Variants in LAD1 observed in about 807,000 individuals in gnomAD.
LAD1 encodes the protein ladinin 1.
Under a neutral mutation model 54.2 loss-of-function variants are expected in LAD1, and 53 were observed. That is an observed-to-expected ratio of 0.98 (90% CI 0.78 to 1.23). The LOEUF is 1.23. Among genes scored for constraint, LAD1 ranks in the 50% most tolerant of loss-of-function variants. LAD1 has a pLI of 0.00. For synonymous variants in LAD1, 231 were observed against 257.7 expected (o/e 0.90, Z 0.99); for missense variants, 637 against 653.3 (o/e 0.98, Z 0.27).
chr1:201,397,298 G>A (rs1010149583), intron 1 of LAD1: 2 of 152,502 alleles, frequency 1.3e-5, no homozygotes, highest in Non-Finnish European at 2.9e-5. Context: ...TCTGTTCCAG[G>A]TGCCTCATCA....
chr1:201,390,538 A>C (rs1662179843), intron 1 of LAD1, among the ~76,000 whole-genome samples: 1 of 152,158 alleles, frequency 6.6e-6, no homozygotes, highest in African/African-American at 2.4e-5. Flanking sequence ...CCATCTCAAA[A>C]AAAACTTAAC....
intron 1 of LAD1, among the ~76,000 whole-genome samples, chr1:201,393,932 T>G (rs1662241143): frequency 6.9e-6 from 1 of 144,992 alleles, no homozygotes; most frequent in Non-Finnish European, 1.5e-5. Context: ...TGTGACTGGC[T>G]GGGCATGGTG....
chr1:201,396,315 C>T (rs898224111), intron 1 of LAD1, among the ~76,000 whole-genome samples: 3 of 152,182 alleles, frequency 2.0e-5, no homozygotes, highest in African/African-American at 7.2e-5. Context: ...CCACTCCAGA[C>T]TTCAACTCCA....
intron 2 of LAD1, among the ~76,000 whole-genome samples, chr1:201,388,415 T>C (rs1206315784): frequency 6.8e-6 from 1 of 146,330 alleles, no homozygotes; most frequent in Non-Finnish European, 1.5e-5. Context: ...CTGGGCACGG[T>C]GGCTCATGCC....
At chr1:201,395,883 A>G (rs1232515925) in intron 1 of LAD1, among the ~76,000 whole-genome samples, 2 of 152,218 alleles carry the variant, frequency 1.3e-5, no homozygotes, top group Non-Finnish European at 2.9e-5. Flanking sequence ...ACGCTTAACC[A>G]TCATACCAAG....
intron 1 of LAD1, among the ~76,000 whole-genome samples, chr1:201,399,002 C>T (rs528377585): frequency 6.6e-6 from 1 of 152,354 alleles, no homozygotes; most frequent in Admixed American, 6.5e-5. Context: ...ACAGGGGGGG[C>T]CATATCCCAG....
intron 1 of LAD1, among the ~76,000 whole-genome samples, chr1:201,398,845 G>A (rs1416192040): frequency 1.3e-5 from 2 of 152,180 alleles, no homozygotes; most frequent in Admixed American, 6.5e-5. Context: ...CCCCTCCCAA[G>A]AGGGGCTGTG....
At chr1:201,392,353 T>G (rs1278520314) in intron 1 of LAD1, among the ~76,000 whole-genome samples, 1 of 152,124 alleles carries the variant, frequency 6.6e-6, no homozygotes, top group Non-Finnish European at 1.5e-5. Flanking sequence ...AGGGCACACA[T>G]CCAGCATGGG....
At chr1:201,384,909 A>G in intron 4 of LAD1, 74 bp from the exon 5 acceptor site, 1 of 1,427,648 alleles carries the variant, frequency 7.0e-7, no homozygotes, top group Non-Finnish European at 9.9e-7. Flanking sequence ...TGAGGAGCCC[A>G]GCTCTCAAGA....
chr1:201,394,744 C>T (rs745734643), intron 1 of LAD1, among the ~76,000 whole-genome samples: 52 of 152,320 alleles, frequency 3.4e-4, no homozygotes, highest in Non-Finnish European at 6.0e-4. Context: ...TGGATGCACC[C>T]CGTCCCTTGT....
At chr1:201,391,083 GA>G (rs1200973789) in intron 1 of LAD1, 1 of 456,228 alleles carries the variant, frequency 2.2e-6, no homozygotes, top group Admixed American at 2.4e-5. Context: ...TTTACCCATG[GA>G]AAAAACTCCA....
chr1:201,382,781 C>T, intron 7 of LAD1, 42 bp from the exon 8 acceptor site: 1 of 1,468,090 alleles, frequency 6.8e-7, no homozygotes, highest in Non-Finnish European at 9.4e-7. Flanking sequence ...GGGCCCTTGG[C>T]AGCAGCGAGG....
At chr1:201,382,916 G>T in intron 7 of LAD1, 158 bp downstream of exon 7, 1 of 1,055,882 alleles carries the variant, frequency 9.5e-7, no homozygotes, top group Non-Finnish European at 1.4e-6. Flanking sequence ...CAGCTAAGGA[G>T]ATGGGCTCAG....
At position 201,382,645 on chromosome 1, in the gene LAD1, G is replaced by A; in HGVS notation, c.1473+8C>T. 6.3e-7 allele frequency: 1 copy of A among 1,588,678 alleles called. No individual in the cohort carries two copies. The highest frequency in any genetic ancestry group is 8.6e-7 in the Non-Finnish European group (1 of 1,166,028). On this transcript the variant is annotated splice_region_variant and intron_variant, in intron 8 of 9. Coordinates refer to ENST00000391967, the MANE Select transcript of LAD1 (RefSeq NM_005558.4). ...CACAGTAAGAGACATCAGGGAGGGT[G>A]AGGATACCTGGGGGTCCTGATCTCC...
intron 8 of LAD1, 76 bp downstream of exon 8, chr1:201,382,577 G>C (rs755471555): frequency 3.0e-5 from 37 of 1,247,992 alleles, no homozygotes; most frequent in African/African-American, 2.9e-4. Context: ...CTCCTCTCCC[G>C]ACTGTCCCTC....
chr1:201,382,013 C>T, intron 9 of LAD1, 120 bp from the exon 10 acceptor site: 1 of 1,099,170 alleles, frequency 9.1e-7, no homozygotes, highest in Non-Finnish European at 1.3e-6. Flanking sequence ...GAGTCAGAGC[C>T]CTGTAATCTG....
Position 201,389,260 on chromosome 1 carries a change from G to A in LAD1, c.82C>T (p.Arg28Cys), listed in dbSNP as rs776088640. 6.8e-6 allele frequency: 11 copies of A among 1,613,830 alleles called. No individual in the cohort carries two copies. Among genetic ancestry groups the A allele is most frequent in the East Asian group, 2.2e-5 (1 of 44,896 alleles). The change falls in exon 2 of 10, where the codon CGC becomes TGC. Residue 28 changes from arginine (R) to cysteine (C), a missense_variant. Arg to Cys is a radical substitution (Grantham distance 180). Transcript: ENST00000391967. ...TTGCGGTGCCGCCGCCTGCGCTCGC[G>A]CTCCTGTTCCTCCTCATCCTCCAGA... is the stretch of plus-strand genomic sequence containing the variant. ...RTLEDEEEQE[R>C]ERRRRHRNLS...
intron 1 of LAD1, among the ~76,000 whole-genome samples, chr1:201,395,782 C>A (rs1662277528): frequency 6.6e-6 from 1 of 151,990 alleles, no homozygotes; most frequent in Admixed American, 6.6e-5. Context: ...GAAACTGAGG[C>A]TCAAAAGAGT....
rs748544182 is a variant in LAD1 at position 201,385,749 on chromosome 1, G to T, written c.1083C>A (p.Thr361=). 6.2e-7 allele frequency: 1 copy of T among 1,614,174 alleles called. No individual in the cohort carries two copies. The highest frequency in any genetic ancestry group is 8.5e-7 in the Non-Finnish European group (1 of 1,180,004). The change falls in exon 4 of 10, where the codon ACC becomes ACA. Residue 361 remains threonine (T), a synonymous_variant. Coordinates refer to ENST00000391967, the MANE Select transcript of LAD1 (RefSeq NM_005558.4). ...EADMSSPTQR[T]YSSSLKRSSP... The stretch of plus-strand genomic sequence containing the variant: ...TGGAGCGTTTGAGGGAGCTGCTGTA[G>T]GTTCGCTGTGTGGGTGAGGACATAT...
Sources: gnomAD v4.1 joint callset for allele counts (sites outside exome capture counted in the v4.1 genomes callset) on GRCh38, gnomAD v4.1.1 for gene constraint, MANE v1.5 for transcripts, NCBI Gene and HGNC (gene_info 2026-07-23, HGNC 2026-07-21) for gene names.